Variants in EYS observed in about 807,000 individuals in gnomAD.
EYS encodes EGF-like photoreceptor maintenance factor, also known as protein eyes shut homolog.
In EYS, 250 loss-of-function variants were observed where a neutral mutation model predicts 282.1. That is an observed-to-expected ratio of 0.89 (90% CI 0.80 to 0.98). The LOEUF (loss-of-function observed/expected upper bound fraction) is 0.98. EYS is among the 50% of genes least tolerant of loss of function. The pLI is 0.00. For synonymous variants in EYS, 1,355 were observed against 1,282.9 expected (o/e 1.06, Z -1.20); for missense variants, 4,016 against 3,709.0 (o/e 1.08, Z -2.15).
chr6:65,081,117 A>G (rs1431978379), intron 12 of EYS, among the ~76,000 whole-genome samples: 5 of 152,148 alleles, frequency 3.3e-5, no homozygotes, highest in Non-Finnish European at 7.4e-5. Context: ...CTTTATCATG[A>G]CTGTTTTAAA....
chr6:64,332,645 C>A (rs1239316148), intron 29 of EYS, among the ~76,000 whole-genome samples: 1 of 152,118 alleles, frequency 6.6e-6, no homozygotes, highest in Admixed American at 6.6e-5. Context: ...TGTGGTGAGA[C>A]CAAGCCACTA....
At chr6:65,161,518 CAG>C (rs1414065309) in intron 12 of EYS, among the ~76,000 whole-genome samples, 1 of 151,014 alleles carries the variant, frequency 6.6e-6, no homozygotes, top group East Asian at 2.0e-4. Flanking sequence ...CTTATAGTCT[CAG>C]AATAATTCTT....
At chr6:64,243,232 T>C (rs150506701) in intron 30 of EYS, among the ~76,000 whole-genome samples, 41 of 152,198 alleles carry the variant, frequency 2.7e-4, no homozygotes, top group African/African-American at 7.5e-4. Flanking sequence ...TTCATACAAA[T>C]ACATATCATA....
intron 19 of EYS, among the ~76,000 whole-genome samples, chr6:64,850,796 A>G (rs1485874981): frequency 1.3e-5 from 2 of 152,102 alleles, no homozygotes; most frequent in Non-Finnish European, 1.5e-5. Flanking sequence ...GTAATTAAGA[A>G]GACCGATCAG....
At chr6:64,626,048 A>T in intron 23 of EYS, 73 bp downstream of exon 23, 1 of 887,294 alleles carries the variant, frequency 1.1e-6, no homozygotes, top group Non-Finnish European at 1.7e-6. Flanking sequence ...TTATACATAC[A>T]TGTCCATATA....
At chr6:64,634,144 C>T (rs1441933373) in intron 22 of EYS, among the ~76,000 whole-genome samples, 2 of 152,088 alleles carry the variant, frequency 1.3e-5, no homozygotes, top group Non-Finnish European at 2.9e-5. Flanking sequence ...CCACCAAGCC[C>T]AGCTAATTTT....
intron 13 of EYS, among the ~76,000 whole-genome samples, chr6:65,025,321 G>A (rs567948585): frequency 2.6e-5 from 4 of 152,066 alleles, no homozygotes; most frequent in African/African-American, 9.6e-5. Flanking sequence ...AAACAATACA[G>A]CAAAATGCAC....
intron 30 of EYS, among the ~76,000 whole-genome samples, chr6:64,277,717 A>T (rs561458654): frequency 6.6e-6 from 1 of 152,290 alleles, no homozygotes; most frequent in East Asian, 1.9e-4. Flanking sequence ...GAACTGAAAC[A>T]ACATGCAGAT....
intron 29 of EYS, among the ~76,000 whole-genome samples, chr6:64,344,610 C>A (rs999171482): frequency 6.6e-6 from 1 of 152,076 alleles, no homozygotes; most frequent in Non-Finnish European, 1.5e-5. Context: ...TGGACAAAAA[C>A]TGGAAACATT....
intron 33 of EYS, among the ~76,000 whole-genome samples, chr6:64,060,780 C>G (rs924914804): frequency 6.6e-6 from 1 of 152,042 alleles, no homozygotes; most frequent in Non-Finnish European, 1.5e-5. Flanking sequence ...CAAATATTAT[C>G]AAAGGTAATG....
intron 12 of EYS, among the ~76,000 whole-genome samples, chr6:65,071,405 T>C (rs1773899121): frequency 6.6e-6 from 1 of 151,834 alleles, no homozygotes; most frequent in Non-Finnish European, 1.5e-5. Context: ...AGAATGGGAC[T>C]ATTCCATATT....
chr6:65,240,972 GA>G (rs1767044053), intron 12 of EYS, among the ~76,000 whole-genome samples: 1 of 152,000 alleles, frequency 6.6e-6, no homozygotes, highest in Non-Finnish European at 1.5e-5. Context: ...ATATCTACTT[GA>G]AATTCCTGAC....
At chr6:64,564,556 C>G (rs2149813850) in intron 26 of EYS, among the ~76,000 whole-genome samples, 1 of 152,178 alleles carries the variant, frequency 6.6e-6, no homozygotes, top group South Asian at 2.1e-4. Context: ...GCTGGGATTA[C>G]AGGCGTGAGC....
chr6:65,047,127 C>G (rs1249183115), intron 13 of EYS, among the ~76,000 whole-genome samples: 1 of 151,418 alleles, frequency 6.6e-6, no homozygotes, highest in Non-Finnish European at 1.5e-5. Flanking sequence ...TACCCAGTCT[C>G]AGGTAATTCT....
intron 31 of EYS, among the ~76,000 whole-genome samples, chr6:64,135,077 C>A (rs1774115430): frequency 6.6e-6 from 1 of 152,008 alleles, no homozygotes; most frequent in South Asian, 2.1e-4. Context: ...ATACCTCAGT[C>A]TTTAGACTAA....
At chr6:64,152,226 G>T (rs1040387700) in intron 31 of EYS, among the ~76,000 whole-genome samples, 1 of 152,170 alleles carries the variant, frequency 6.6e-6, no homozygotes, top group Non-Finnish European at 1.5e-5. Context: ...AGGAATTAGT[G>T]CTGGACAAGT....
At chr6:65,479,856 GA>G (rs1562209985) in intron 5 of EYS, among the ~76,000 whole-genome samples, 1 of 151,914 alleles carries the variant, frequency 6.6e-6, no homozygotes, top group Non-Finnish European at 1.5e-5. Context: ...AAAGTACATG[GA>G]AAAAAATTTT....
intron 2 of EYS, among the ~76,000 whole-genome samples, chr6:65,626,205 G>A (rs1766684530): frequency 6.6e-6 from 1 of 152,036 alleles, no homozygotes; most frequent in Non-Finnish European, 1.5e-5. Context: ...AGATTTTTGA[G>A]GTCTAAAATC....
At chr6:64,815,657 G>T (rs1290622642) in intron 21 of EYS, among the ~76,000 whole-genome samples, 1 of 151,942 alleles carries the variant, frequency 6.6e-6, no homozygotes, top group Non-Finnish European at 1.5e-5. Flanking sequence ...ATATAATAAA[G>T]TGCTTTCCCA....
Sources: gnomAD v4.1 joint callset for allele counts (sites outside exome capture counted in the v4.1 genomes callset) on GRCh38, gnomAD v4.1.1 for gene constraint, MANE v1.5 for transcripts, NCBI Gene and HGNC (gene_info 2026-07-23, HGNC 2026-07-21) for gene names.